Variants in RUNX1T1 observed in about 807,000 individuals in gnomAD.
RUNX1T1 encodes the protein RUNX1 partner transcriptional co-repressor 1.
A neutral mutation model predicts 62.8 loss-of-function variants in RUNX1T1; 4 were observed. The ratio of observed to expected loss-of-function variants is 0.06; its 90% CI spans 0.03 to 0.15. The LOEUF (loss-of-function observed/expected upper bound fraction) is 0.15. RUNX1T1 is among the 10% of genes least tolerant of loss of function. The probability of loss-of-function intolerance (pLI) is 1.00; values close to 1 mark genes in which losing one functional copy is unlikely to be tolerated. For synonymous variants in RUNX1T1, 291 were observed against 286.0 expected (o/e 1.02, Z -0.18); for missense variants, 508 against 754.3 (o/e 0.67, Z 3.82).
At chr8:92,013,914 G>A (rs1398927085) in intron 3 of RUNX1T1, among the ~76,000 whole-genome samples, 4 of 152,048 alleles carry the variant, frequency 2.6e-5, no homozygotes, top group South Asian at 4.1e-4. Flanking sequence ...AGAAGGTTTC[G>A]GATTGAGGTG....
intron 1 of RUNX1T1, among the ~76,000 whole-genome samples, chr8:92,086,393 C>T (rs976627121): frequency 7.9e-5 from 12 of 152,178 alleles, no homozygotes; most frequent in Admixed American, 6.5e-5. Context: ...TTCTCCTGCA[C>T]GGCCTGAGGG....
intron 5 of RUNX1T1, among the ~76,000 whole-genome samples, chr8:91,996,932 G>A (rs1415058338): frequency 6.6e-6 from 1 of 150,908 alleles, no homozygotes; most frequent in Non-Finnish European, 1.5e-5. Context: ...GACCAGCCTG[G>A]CCGACATGGT....
At chr8:92,002,752 C>G (rs930378320) in intron 5 of RUNX1T1, among the ~76,000 whole-genome samples, 1 of 152,044 alleles carries the variant, frequency 6.6e-6, no homozygotes, top group Non-Finnish European at 1.5e-5. Flanking sequence ...CATGTCAGAC[C>G]ATATGCACCA....
At chr8:92,078,934 G>A (rs759157853) in intron 1 of RUNX1T1, among the ~76,000 whole-genome samples, 15 of 152,302 alleles carry the variant, frequency 9.8e-5, no homozygotes, top group Middle Eastern at 3.4e-3. Context: ...TATGGCCTTG[G>A]CAAATCATTC....
exon 10 of RUNX1T1, chr8:91,970,766 G>C: frequency 6.2e-7 from 1 of 1,613,684 alleles, no homozygotes; most frequent in African/African-American, 1.3e-5. Context: ...TTGTGATCAT[G>C]TCGTGGGCTT....
intron 1 of RUNX1T1, among the ~76,000 whole-genome samples, chr8:92,053,163 T>C (rs1830490616): frequency 6.6e-6 from 1 of 152,072 alleles, no homozygotes; most frequent in Non-Finnish European, 1.5e-5. Flanking sequence ...ATATTATATA[T>C]AGAATGAATT....
At chr8:91,968,438 TAGAAAAC>T (rs1039971723) in intron 10 of RUNX1T1, among the ~76,000 whole-genome samples, 4 of 152,190 alleles carry the variant, frequency 2.6e-5, no homozygotes, top group African/African-American at 9.7e-5. Flanking sequence ...TCATTTTTCT[TAGAAAAC>T]AGAACAATCC....
At chr8:91,986,453 G>A in intron 7 of RUNX1T1, 128 bp from the exon 9 acceptor site, 1 of 697,132 alleles carries the variant, frequency 1.4e-6, no homozygotes, top group Non-Finnish European at 2.5e-6. Context: ...TTTCAGTCTA[G>A]TATTTTCTAT....
intron 6 of RUNX1T1, among the ~76,000 whole-genome samples, chr8:91,987,869 A>G (rs1816893730): frequency 6.6e-6 from 1 of 152,148 alleles, no homozygotes; most frequent in African/African-American, 2.4e-5. Context: ...GGGCTGTGGC[A>G]TTATTTTGCA....
intron 1 of RUNX1T1, among the ~76,000 whole-genome samples, chr8:92,037,196 T>C (rs1827588523): frequency 6.6e-6 from 1 of 152,190 alleles, no homozygotes; most frequent in Non-Finnish European, 1.5e-5. Context: ...TATAACCCCG[T>C]GTCCTGTGGA....
At chr8:91,959,413 TGTGTG>T (rs1271868795) in exon 11 of RUNX1T1, 3 of 52,756 alleles carry the variant, frequency 5.7e-5, no homozygotes, top group Non-Finnish European at 8.1e-5. Flanking sequence ...GTCTCTTACT[TGTGTG>T]TGTGTGTGTG....
At chr8:92,094,931 A>C in intron 1 of RUNX1T1, 1 of 876,580 alleles carries the variant, frequency 1.1e-6, no homozygotes, top group East Asian at 2.7e-5. Context: ...TCCAGTCAAT[A>C]AATAATCTAT....
chr8:91,969,767 C>T (rs974325221), intron 10 of RUNX1T1, among the ~76,000 whole-genome samples: 2 of 152,092 alleles, frequency 1.3e-5, no homozygotes, highest in African/African-American at 4.8e-5. Context: ...ACTTACTCTC[C>T]CTCACAAATT....
chr8:92,058,912 C>T (rs1268322121), intron 1 of RUNX1T1, among the ~76,000 whole-genome samples: 1 of 152,112 alleles, frequency 6.6e-6, no homozygotes, highest in African/African-American at 2.4e-5. Flanking sequence ...CCATCACCCC[C>T]TTCAAGAAAA....
chr8:92,090,032 T>C (rs753008370), intron 1 of RUNX1T1, among the ~76,000 whole-genome samples: 2 of 150,034 alleles, frequency 1.3e-5, no homozygotes, highest in African/African-American at 2.5e-5. Context: ...CGTATGAGAG[T>C]TGGGAAGCCT....
chr8:92,084,453 T>C (rs1217686359), intron 1 of RUNX1T1, among the ~76,000 whole-genome samples: 1 of 152,086 alleles, frequency 6.6e-6, no homozygotes, highest in Non-Finnish European at 1.5e-5. Flanking sequence ...AAAAACAACA[T>C]GCTGTTGGAA....
intron 3 of RUNX1T1, 47 bp from the exon 5 acceptor site, chr8:92,011,138 T>G: frequency 1.9e-6 from 2 of 1,043,896 alleles, no homozygotes; most frequent in Non-Finnish European, 3.0e-6. Context: ...TGTTGGTAAA[T>G]AGTAAAAACA....
At chr8:91,970,435 T>C (rs1226278823) in intron 10 of RUNX1T1, among the ~76,000 whole-genome samples, 1 of 152,218 alleles carries the variant, frequency 6.6e-6, no homozygotes, top group Non-Finnish European at 1.5e-5. Flanking sequence ...CTTTGATCGG[T>C]AACCTACCAA....
intron 1 of RUNX1T1, among the ~76,000 whole-genome samples, chr8:92,024,050 A>C (rs897692337): frequency 2.0e-5 from 3 of 152,204 alleles, no homozygotes; most frequent in Non-Finnish European, 2.9e-5. Context: ...GTAGTAAATA[A>C]AGTCCCTCAT....
Sources: allele counts gnomAD v4.1 joint callset (sites outside exome capture counted in the v4.1 genomes callset), GRCh38; gene constraint gnomAD v4.1.1; transcripts MANE v1.5; gene names NCBI Gene and HGNC (gene_info 2026-07-23, HGNC 2026-07-21).